The following ADGRA3 variants were observed in gnomAD, a reference collection of about 807,000 sequenced individuals.
ADGRA3 encodes the protein G-protein coupled receptor 125.
A neutral mutation model predicts 119.8 loss-of-function variants in ADGRA3; 56 were observed. The observed-to-expected ratio is 0.47, with a 90% CI of 0.38 to 0.58. ADGRA3 has a LOEUF of 0.58. Ranked by LOEUF, ADGRA3 falls within the 20% of genes least tolerant of loss-of-function variation. The pLI, the probability that ADGRA3 is intolerant of heterozygous loss-of-function variation, is 0.00. For synonymous variants in ADGRA3, 607 were observed against 623.8 expected (o/e 0.97, Z 0.40); for missense variants, 1,516 against 1,649.0 (o/e 0.92, Z 1.40).
intron 1 of ADGRA3, among the ~76,000 whole-genome samples, chr4:22,499,168 T>C (rs1163894302): frequency 6.6e-6 from 1 of 152,220 alleles, no homozygotes; most frequent in Non-Finnish European, 1.5e-5. Context: ...TGCAATATAA[T>C]GGTACAATCA....
At chr4:22,512,792 T>C (rs115288575) in intron 1 of ADGRA3, among the ~76,000 whole-genome samples, 2,568 of 152,296 alleles carry the variant, frequency 0.017, 34 homozygotes, top group Middle Eastern at 0.061. Flanking sequence ...TCCAGAACTA[T>C]GAGCGAATAA....
At chr4:22,455,049 G>C (rs1261613850) in intron 3 of ADGRA3, 112 bp from the exon 4 acceptor site, 1 of 717,716 alleles carries the variant, frequency 1.4e-6, no homozygotes, top group East Asian at 2.6e-5. Flanking sequence ...CTTTATTCTA[G>C]CAACTTTGAG....
At chr4:22,509,542 T>A (rs573766318) in intron 1 of ADGRA3, among the ~76,000 whole-genome samples, 1 of 150,602 alleles carries the variant, frequency 6.6e-6, no homozygotes, top group South Asian at 2.1e-4. Context: ...AAGCATGCAG[T>A]TCACTCAGCA....
chr4:22,474,225 A>C (rs2109122120), intron 1 of ADGRA3, among the ~76,000 whole-genome samples: 1 of 152,352 alleles, frequency 6.6e-6, no homozygotes, highest in Non-Finnish European at 1.5e-5. Context: ...AAAATGCATA[A>C]CCTATGATCT....
chr4:22,455,963 A>C (rs568805241), intron 3 of ADGRA3: 1 of 471,084 alleles, frequency 2.1e-6, no homozygotes, highest in East Asian at 7.1e-5. Flanking sequence ...TAAGCTCCCT[A>C]AGTCAAACTT....
chr4:22,469,679 C>T (rs1717787982), intron 2 of ADGRA3, among the ~76,000 whole-genome samples: 1 of 152,150 alleles, frequency 6.6e-6, no homozygotes, highest in Non-Finnish European at 1.5e-5. Flanking sequence ...TTCACAAAAC[C>T]CCAGGGGATT....
chr4:22,453,133 G>A (rs113363668), intron 4 of ADGRA3, among the ~76,000 whole-genome samples: 5,130 of 150,190 alleles, frequency 0.034, 300 homozygotes, highest in African/African-American at 0.12. Flanking sequence ...CCCGGGAGGT[G>A]GAGGTTGCAG....
chr4:22,429,002 A>G (rs1337542289), intron 10 of ADGRA3, among the ~76,000 whole-genome samples: 4 of 152,280 alleles, frequency 2.6e-5, no homozygotes, highest in Middle Eastern at 3.4e-3. Context: ...ATTATTGCAC[A>G]TAAGGCATGG....
At chr4:22,436,152 T>C (rs1056592870) in intron 9 of ADGRA3, among the ~76,000 whole-genome samples, 1 of 152,018 alleles carries the variant, frequency 6.6e-6, no homozygotes, top group Admixed American at 6.6e-5. Flanking sequence ...TGGCTTTCAA[T>C]GTGAACTCGA....
intron 10 of ADGRA3, among the ~76,000 whole-genome samples, chr4:22,425,707 C>A (rs1715903249): frequency 6.6e-6 from 1 of 152,174 alleles, no homozygotes; most frequent in Non-Finnish European, 1.5e-5. Flanking sequence ...AAGATCTCCG[C>A]TGAGATTTCA....
At position 22,424,284 on chromosome 4, in the gene ADGRA3, C is replaced by T. The variant is rs376782944; in HGVS notation, c.1512G>A (p.Ala504=). 7 of 1,613,744 alleles carry T rather than the reference C, an allele frequency of 4.3e-6. No homozygotes were observed. The highest frequency in any genetic ancestry group is 2.2e-5 in the South Asian group (2 of 91,066). Residue 504 remains alanine, a synonymous_variant, in exon 11 of 19, where the codon GCG becomes GCA. Coordinates refer to ENST00000334304, the MANE Select transcript of ADGRA3 (RefSeq NM_145290.4). ...MLADERVLWL[A]QREAKACSRI... ...TACTGCAGGCTTTAGCTTCCCTCTG[C>T]GCCAGCCACAGGACACGTTCATCAG...
chr4:22,436,793 T>C lies in ADGRA3; in HGVS notation c.1086-152A>G, dbSNP rs571022326. The stretch of plus-strand genomic sequence containing the variant: ...AAAACTGGGCTGGGAGAAACCTTTG[T>C]TATTTGAACTCTATGTCTCCAAAAC... On this transcript the variant is annotated intron_variant, in intron 8 of 18. Coordinates refer to ENST00000334304, the MANE Select transcript of ADGRA3 (RefSeq NM_145290.4). 102 of 638,982 alleles carry C rather than the reference T, an allele frequency of 1.6e-4. 3 individuals carry two copies. The South Asian group carries it at 2.0e-3, about 12-fold the overall frequency. The allele number at this position is 638,982 out of a possible 1,614,324, so 39.6% of individuals were successfully genotyped here.
At chr4:22,459,179 T>G (rs142857664) in intron 3 of ADGRA3, among the ~76,000 whole-genome samples, 84 of 152,294 alleles carry the variant, frequency 5.5e-4, no homozygotes, top group Admixed American at 5.1e-3. Context: ...AAAAAGAGCA[T>G]GACCAATTTT....
chr4:22,469,489 T>C (rs905331616), intron 2 of ADGRA3, among the ~76,000 whole-genome samples: 18 of 152,188 alleles, frequency 1.2e-4, no homozygotes, highest in Non-Finnish European at 2.9e-5. Flanking sequence ...CACACTATGC[T>C]TTCTCCTAGA....
At chr4:22,484,804 G>A (rs956293352) in intron 1 of ADGRA3, among the ~76,000 whole-genome samples, 1 of 151,986 alleles carries the variant, frequency 6.6e-6, no homozygotes, top group Non-Finnish European at 1.5e-5. Flanking sequence ...CTCCCTCGCT[G>A]AAAAGTTGTT....
Position 22,398,040 on chromosome 4 carries a change from G to A in ADGRA3, c.2481+3391C>T, listed in dbSNP as rs370265194. The A allele has an allele frequency of 1.2e-5, 12 of 982,140 alleles. No homozygotes were observed. In the South Asian group the frequency reaches 3.8e-4, roughly 31 times the overall value. 60.8% of individuals were successfully genotyped at this position (982,140 alleles called of 1,614,324 possible). A position where few individuals can be genotyped will look rare whatever the true frequency, so the allele number is the denominator to read the frequency against. On this transcript the variant is annotated intron_variant, in intron 16 of 18. Transcript: ENST00000334304. ...ACATGAAGAAGAGGAGAAAGACTGA[G>A]AACACAGAGGAGCTATCTTCTACAC...
At position 22,509,733 on chromosome 4, in the gene ADGRA3, G is replaced by A. The variant is rs570056930; in HGVS notation, c.257+5795C>T. Among the ~76,000 whole-genome samples the A allele has an allele frequency of 1.1e-4, 16 of 152,032 alleles. No individual in the cohort carries two copies. In the East Asian group the frequency reaches 1.2e-3, roughly 11 times the overall value. The stretch of plus-strand genomic sequence containing the variant: ...CTCATAGATAAGAAATGACTTGGCC[G>A]GGCGCGGTGGCTCACGCCTGTAATC... On this transcript the variant is annotated intron_variant, in intron 1 of 18. Transcript: ENST00000334304.
At chr4:22,392,798 C>A in intron 16 of ADGRA3, 108 bp from the exon 17 acceptor site, 1 of 951,404 alleles carries the variant, frequency 1.1e-6, no homozygotes, top group Non-Finnish European at 1.5e-6. Flanking sequence ...AGCAGGAAGG[C>A]CTATCCTAAT....
intron 1 of ADGRA3, among the ~76,000 whole-genome samples, chr4:22,485,434 G>A (rs1458530229): frequency 6.6e-6 from 1 of 150,950 alleles, no homozygotes; most frequent in Non-Finnish European, 1.5e-5. Context: ...CCCATTAGAT[G>A]CTTTTTTTTT....
Sources: allele counts gnomAD v4.1 joint callset (sites outside exome capture counted in the v4.1 genomes callset), GRCh38; gene constraint gnomAD v4.1.1; transcripts MANE v1.5; gene names NCBI Gene and HGNC (gene_info 2026-07-23, HGNC 2026-07-21).